The following TFB1M variants were observed in gnomAD, a reference collection of about 807,000 sequenced individuals.
The protein encoded by TFB1M is dimethyladenosine transferase 1, mitochondrial.
Under a neutral mutation model 31.1 loss-of-function variants are expected in TFB1M, and 27 were observed. The observed-to-expected ratio is 0.87, with a 90% confidence interval of 0.64 to 1.20. TFB1M has a LOEUF of 1.20. Ranked by LOEUF, TFB1M falls within the 50% of genes most tolerant of loss-of-function variation. TFB1M has a pLI of 0.00. For synonymous variants in TFB1M, 166 were observed against 151.8 expected, an observed-to-expected ratio of 1.09 and a Z score of -0.69; for missense variants, 394 against 418.7, an observed-to-expected ratio of 0.94 and a Z score of 0.51.
the TFB1M span, among the ~76,000 whole-genome samples, chr6:155,232,045 C>G: frequency 1.3e-5 from 2 of 152,168 alleles, no homozygotes; most frequent in Non-Finnish European, 2.9e-5. Flanking sequence ...CGTGCCACTG[C>G]ACTCCCGCCT....
At chr6:155,235,726 TGTG>T in the TFB1M span, among the ~76,000 whole-genome samples, 1 of 152,236 alleles carries the variant, frequency 6.6e-6, no homozygotes, top group Non-Finnish European at 1.5e-5. Context: ...AACACTTAAT[TGTG>T]GTACTTTAAG....
chr6:155,244,868 A>C, the TFB1M span: 1 of 1,442,614 alleles, frequency 6.9e-7, no homozygotes, highest in Admixed American at 2.3e-5. Context: ...ATGAGAAAGA[A>C]TTTCTTGTCC....
chr6:155,244,940 TG>T, the TFB1M span: 1 of 976,972 alleles, frequency 1.0e-6, no homozygotes, highest in South Asian at 2.6e-5. Flanking sequence ...CTCTGTCAGG[TG>T]GTAAAGGAAG....
chr6:155,257,444 G>T lies in TFB1M; in HGVS notation c.*392C>A. 1 of 338,796 alleles carries T rather than the reference G, an allele frequency of 3.0e-6. No individual in the cohort carries two copies. Among genetic ancestry groups the T allele is most frequent in the Non-Finnish European group, 5.4e-6 (1 of 186,734 alleles). The allele number at this position is 338,796 out of a possible 1,614,324, so 21.0% of individuals were successfully genotyped here. A position where few individuals can be genotyped will look rare whatever the true frequency, so the allele number is the denominator to read the frequency against. On this transcript the variant is annotated 3_prime_UTR_variant, in exon 7 of 7. Transcript: ENST00000367166. ...AAGGCTGGGGAAGTCGTGATTAATAGTTTTCAAAGGGCCATTTTTTAAAAT... is the reference window on the plus strand; with the variant it reads ...AAGGCTGGGGAAGTCGTGATTAATATTTTTCAAAGGGCCATTTTTTAAAAT...
intron 2 of TFB1M, among the ~76,000 whole-genome samples, chr6:155,300,315 C>G (rs1205750330): frequency 6.6e-6 from 1 of 152,092 alleles, no homozygotes; most frequent in African/African-American, 2.4e-5. Flanking sequence ...AATTGCATGC[C>G]TCTGATACTA....
chr6:155,277,917 TTAGTCC>T lies in TFB1M; in HGVS notation c.666+7235_666+7240del, dbSNP rs1260011639. Among the ~76,000 whole-genome samples the T allele has an allele frequency of 2.6e-5, 4 of 152,202 alleles. No homozygotes were observed. The East Asian group carries it at 7.7e-4, about 29-fold the overall frequency. ...TGGGTTTACATAGTCTATGTAGCCTTTAGTCCTACAGTAAAAGTTATCTTTATATCT... is the reference window on the plus strand; with the variant it reads ...TGGGTTTACATAGTCTATGTAGCCTTTACAGTAAAAGTTATCTTTATATCT... On this transcript the variant is annotated intron_variant, in intron 5 of 6. Transcript: ENST00000367166.
the TFB1M span, among the ~76,000 whole-genome samples, chr6:155,250,278 T>A: frequency 7.3e-4 from 107 of 147,074 alleles, no homozygotes; most frequent in Non-Finnish European, 1.4e-3. Context: ...GGGCTTTTCC[T>A]TTTTGATTTT....
chr6:155,242,688 A>G, the TFB1M span, among the ~76,000 whole-genome samples: 1 of 152,208 alleles, frequency 6.6e-6, no homozygotes, highest in African/African-American at 2.4e-5. Flanking sequence ...AGAATAAAAG[A>G]GAAATCTTTT....
chr6:155,268,955 A>G (rs1007356643), intron 5 of TFB1M, among the ~76,000 whole-genome samples: 4 of 136,062 alleles, frequency 2.9e-5, no homozygotes, highest in African/African-American at 1.1e-4. Flanking sequence ...TTAAAAAAAA[A>G]AAAAAGAAAA....
the TFB1M span, among the ~76,000 whole-genome samples, chr6:155,234,747 A>G: frequency 6.6e-6 from 1 of 152,208 alleles, no homozygotes; most frequent in Non-Finnish European, 1.5e-5. Flanking sequence ...TGGGGGTGGA[A>G]TAGGCTCAAT....
At chr6:155,296,077 C>A (rs1041212101) in intron 4 of TFB1M, among the ~76,000 whole-genome samples, 1 of 152,114 alleles carries the variant, frequency 6.6e-6, no homozygotes, top group African/African-American at 2.4e-5. Flanking sequence ...ACCTTTGCAG[C>A]TCAAGCACCA....
chr6:155,257,052 T>C lies in TFB1M; in HGVS notation c.*784A>G. 6.2e-7 allele frequency: 1 copy of C among 1,614,192 alleles called. No individual in the cohort carries two copies. ...ATTCTGTTCTAGAGCGAGAATTCAGTGTCCAGAGTTTAACATCTGTTGTCA... is the reference window on the plus strand; with the variant it reads ...ATTCTGTTCTAGAGCGAGAATTCAGCGTCCAGAGTTTAACATCTGTTGTCA... On this transcript the variant is annotated 3_prime_UTR_variant, in exon 7 of 7. Coordinates refer to ENST00000367166, the MANE Select transcript of TFB1M (RefSeq NM_016020.4).
At chr6:155,254,769 T>G, downstream of TFB1M, 2 of 592,020 alleles carry the variant, frequency 3.4e-6, no homozygotes, top group Non-Finnish European at 5.8e-6. Flanking sequence ...CAACCCCCAG[T>G]CCCTTGTCTT....
In TFB1M at chr6:155,314,287, G is replaced by A. The variant is rs771121161; in HGVS notation, c.133+9C>T. On this transcript the variant is annotated intron_variant, in intron 1 of 6. Coordinates refer to ENST00000367166, the MANE Select transcript of TFB1M (RefSeq NM_016020.4). ...GGAGACATCCGGGGAGCACTGCTAA[G>A]CCATCCACCTGTCAGCCTCAAGTCC... The A allele has an allele frequency of 1.9e-6, 3 of 1,613,710 alleles. No individual in the cohort carries two copies. Among genetic ancestry groups the A allele is most frequent in the Non-Finnish European group, 2.5e-6 (3 of 1,179,780 alleles).
chr6:155,277,727 T>A (rs1785286943), intron 5 of TFB1M, among the ~76,000 whole-genome samples: 1 of 152,232 alleles, frequency 6.6e-6, no homozygotes, highest in African/African-American at 2.4e-5. Context: ...GAAGGTTAAA[T>A]GATTGTTTAA....
At chr6:155,298,690 G>A in intron 2 of TFB1M, 105 bp from the exon 3 acceptor site, 1 of 748,000 alleles carries the variant, frequency 1.3e-6, no homozygotes, top group South Asian at 1.5e-5. Flanking sequence ...AAAAGTCAGA[G>A]ACCAGGGGTG....
intron 4 of TFB1M, among the ~76,000 whole-genome samples, chr6:155,294,874 A>G (rs960915802): frequency 2.6e-5 from 4 of 152,232 alleles, no homozygotes; most frequent in Non-Finnish European, 5.9e-5. Flanking sequence ...GTAAAAACAG[A>G]ACGATGAAAC....
chr6:155,254,759 C>T, downstream of TFB1M: 1 of 661,566 alleles, frequency 1.5e-6, no homozygotes, highest in Non-Finnish European at 2.5e-6. Context: ...CAGCCACCCC[C>T]AACCCCCAGT....
intron 2 of TFB1M, among the ~76,000 whole-genome samples, chr6:155,307,154 C>G (rs986147590): frequency 2.6e-5 from 4 of 151,678 alleles, no homozygotes; most frequent in African/African-American, 9.7e-5. Context: ...CACACACACA[C>G]ACACACACAC....
Sources: allele counts gnomAD v4.1 joint callset (sites outside exome capture counted in the v4.1 genomes callset), GRCh38; gene constraint gnomAD v4.1.1; transcripts MANE v1.5; gene names NCBI Gene and HGNC (gene_info 2026-07-23, HGNC 2026-07-21).